Variants in GALNT15 observed in about 807,000 individuals in gnomAD.
GALNT15 encodes UDP-GalNAc transferase T15.
In GALNT15, 67 loss-of-function variants were observed where a neutral mutation model predicts 66.8. That is an observed-to-expected ratio of 1.00 (90% CI 0.82 to 1.23). The LOEUF (loss-of-function observed/expected upper bound fraction) is 1.23. GALNT15 is among the 50% of genes most tolerant of loss of function. GALNT15 has a pLI of 0.00. For missense variants in GALNT15, 827 were observed against 804.3 expected, an observed-to-expected ratio of 1.03 and a Z score of -0.34; for synonymous variants, 313 against 311.5, an observed-to-expected ratio of 1.00 and a Z score of -0.05.
intron 6 of GALNT15, among the ~76,000 whole-genome samples, chr3:16,218,810 CTTTT>C (rs10538222): frequency 6.5e-5 from 6 of 92,926 alleles, no homozygotes; most frequent in South Asian, 4.6e-4. Context: ...CTCTCTCTCT[CTTTT>C]TTTTTTTTTT....
chr3:16,229,608 G>C lies in GALNT15; in HGVS notation c.*2108G>C. On this transcript the variant is annotated 3_prime_UTR_variant, in exon 10 of 10. Coordinates refer to ENST00000339732, the MANE Select transcript of GALNT15 (RefSeq NM_054110.5). ...CTACAAATTCTCAGATGGCGACCGTGTAAATGGTATTAGCGGCTGAAGAAA... is the reference window on the plus strand; with the variant it reads ...CTACAAATTCTCAGATGGCGACCGTCTAAATGGTATTAGCGGCTGAAGAAA... The C allele has an allele frequency of 3.0e-6, 3 of 985,422 alleles. No individual in the cohort carries two copies. The highest frequency in any genetic ancestry group is 3.6e-6 in the Non-Finnish European group (3 of 829,918). 61.0% of individuals were successfully genotyped at this position (985,422 alleles called of 1,614,324 possible). A position where few individuals can be genotyped will look rare whatever the true frequency, so the allele number is the denominator to read the frequency against.
chr3:16,246,467 A>G, the GALNT15 span, among the ~76,000 whole-genome samples: 173 of 152,010 alleles, frequency 1.1e-3, no homozygotes, highest in African/African-American at 4.0e-3. Flanking sequence ...CTGGGACTAC[A>G]GGTGCATGCC....
chr3:16,232,480 A>G (rs1559698345), downstream of GALNT15, among the ~76,000 whole-genome samples: 1 of 67,962 alleles, frequency 1.5e-5, no homozygotes, highest in Non-Finnish European at 2.8e-5. Context: ...ATATATATAT[A>G]TATATATATA....
Position 16,195,842 on chromosome 3 carries a change from C to A in GALNT15, c.622C>A (p.Leu208Met), listed in dbSNP as rs144320995. 3.6e-5 allele frequency: 58 copies of A among 1,614,014 alleles called. No homozygotes were observed. The Middle Eastern group carries it at 6.6e-4, about 18-fold the overall frequency. ...CFHDEAWSTL[L>M]RTVHSILDTV... ...CCATGATGAGGCCTGGTCCACTCTC[C>A]TGCGGACTGTACACAGCATCCTCGA... The change falls in exon 2 of 10, where the codon CTG becomes ATG. Residue 208 changes from leucine to methionine, a missense_variant. Transcript: ENST00000339732. The surrounding 1 kb of genome is among the most constrained non-coding windows in gnomAD (Gnocchi z 4.6).
chr3:16,247,803 C>T, the GALNT15 span, among the ~76,000 whole-genome samples: 1 of 152,206 alleles, frequency 6.6e-6, no homozygotes, highest in South Asian at 2.1e-4. Context: ...GTCTGCTGTC[C>T]CCCTCCCGGA....
chr3:16,245,794 A>G, the GALNT15 span, among the ~76,000 whole-genome samples: 126 of 152,358 alleles, frequency 8.3e-4, no homozygotes, highest in East Asian at 0.019. Context: ...GGAGGCCCAT[A>G]TGAAAGAAGA....
In GALNT15 at chr3:16,191,718, A is replaced by T. The variant is rs1488057807; in HGVS notation, c.540-4042A>T. On this transcript the variant is annotated intron_variant, in intron 1 of 9. Transcript: ENST00000339732. The surrounding 1 kb of genome is among the most constrained non-coding windows in gnomAD (Gnocchi z 5.2). ...TGTGATCTTAAAGAGCTAGAGTTTAAATACAAATTTCTTTCATTGAAGGAG... is the reference window on the plus strand; with the variant it reads ...TGTGATCTTAAAGAGCTAGAGTTTATATACAAATTTCTTTCATTGAAGGAG... Among the ~76,000 whole-genome samples the T allele has an allele frequency of 6.6e-6, 1 of 152,204 alleles. No individual in the cohort carries two copies. The highest frequency in any genetic ancestry group is 1.5e-5 in the Non-Finnish European group (1 of 68,034).
At chr3:16,241,372 G>A in the GALNT15 span, among the ~76,000 whole-genome samples, 344 of 152,232 alleles carry the variant, frequency 2.3e-3, no homozygotes, top group African/African-American at 7.6e-3. The surrounding 1 kb of genome is among the most constrained non-coding windows in gnomAD (Gnocchi z 4.6). Flanking sequence ...TTTAGACACT[G>A]AAGAGGTCTT....
In GALNT15 at chr3:16,228,063, G is replaced by C. The variant is rs2064041925; in HGVS notation, c.*563G>C. On this transcript the variant is annotated 3_prime_UTR_variant, in exon 10 of 10. Coordinates refer to ENST00000339732, the MANE Select transcript of GALNT15 (RefSeq NM_054110.5). The stretch of plus-strand genomic sequence containing the variant: ...CAGAAAGGAGGTTTAGGATTGCAGA[G>C]AAGATGCAAGAGCACTTTGGCCCAA... 1 of 986,298 alleles carries C rather than the reference G, an allele frequency of 1.0e-6. No individual in the cohort carries two copies. The highest frequency in any genetic ancestry group is 1.7e-5 in the African/African-American group (1 of 57,246). 61.1% of individuals were successfully genotyped at this position (986,298 alleles called of 1,614,324 possible). A position where few individuals can be genotyped will look rare whatever the true frequency, so the allele number is the denominator to read the frequency against.
rs2063388356 is a variant in GALNT15, at chr3:16,174,929, C to CAG, written c.-218_-217dup. ...CAGAAGGCAATTAAAGAAATCCACTCAGAGAGGACTTGGGGTGAAACTTGG... is the reference window on the plus strand; with the variant it reads ...CAGAAGGCAATTAAAGAAATCCACTCAGAGAGAGGACTTGGGGTGAAACTTGG... On this transcript the variant is annotated 5_prime_UTR_variant, in exon 1 of 10. An upstream open reading frame in the 5' UTR gains an earlier in-frame stop. Coordinates refer to ENST00000339732, the MANE Select transcript of GALNT15 (RefSeq NM_054110.5). This position sits in a 1 kb window ranked among gnomAD's most constrained non-coding sequence, Gnocchi z 4.7. 2 of 537,638 alleles carry CAG rather than the reference C, an allele frequency of 3.7e-6. No individual in the cohort carries two copies. Among genetic ancestry groups the CAG allele is most frequent in the South Asian group, 6.2e-5 (2 of 32,238 alleles). 33.3% of individuals were successfully genotyped at this position (537,638 alleles called of 1,614,324 possible).
chr3:16,220,221 C>T, intron 8 of GALNT15: 1 of 561,548 alleles, frequency 1.8e-6, no homozygotes, highest in Non-Finnish European at 3.2e-6. Context: ...GTGCCATTGT[C>T]AGAAAATAAA....
At chr3:16,243,440 C>T in the GALNT15 span, among the ~76,000 whole-genome samples, 9 of 152,360 alleles carry the variant, frequency 5.9e-5, no homozygotes, top group East Asian at 5.8e-4. Flanking sequence ...ATGCAGTGGG[C>T]GCCCAGGGAG....
chr3:16,221,731 GA>G (rs2063944591), intron 8 of GALNT15, among the ~76,000 whole-genome samples: 2 of 152,294 alleles, frequency 1.3e-5, no homozygotes, highest in African/African-American at 4.8e-5. Context: ...CTTTGAGTAG[GA>G]AACAAATTAT....
At chr3:16,206,114 T>C (rs543451770) in intron 3 of GALNT15, among the ~76,000 whole-genome samples, 125 of 152,310 alleles carry the variant, frequency 8.2e-4, no homozygotes, top group Admixed American at 6.5e-3. Flanking sequence ...CAGTGGCTCA[T>C]ACCTGTAATC....
In GALNT15 at chr3:16,203,520, T is replaced by TTC. The variant is rs56306167; in HGVS notation, c.911+2720_911+2721dup. 0.04 allele frequency among the ~76,000 whole-genome samples: 4,548 copies of TTC among 113,658 alleles called. 110 individuals carry two copies. Among genetic ancestry groups the TTC allele is most frequent in the Middle Eastern group, 0.053 (11 of 208 alleles). The allele number at this position is 113,658 out of a possible 152,430, so 74.6% of individuals were successfully genotyped here. A position where few individuals can be genotyped will look rare whatever the true frequency, so the allele number is the denominator to read the frequency against. On this transcript the variant is annotated intron_variant, in intron 3 of 9. Transcript: ENST00000339732. This position sits in a 1 kb window ranked among gnomAD's most constrained non-coding sequence, Gnocchi z 6.2. ...TCTCTCTCTGTCTCTTGGTCACTCA[T>TTC]TCTCTCTCTCTCTCTCTCTCTCTCA...
chr3:16,176,001 A>T lies in GALNT15; in HGVS notation c.539+311A>T, dbSNP rs73051142. Among the ~76,000 whole-genome samples, 8,582 of 152,252 alleles carry T rather than the reference A, an allele frequency of 0.056. 321 individuals are homozygous for T. The highest frequency in any genetic ancestry group is 0.079 in the Non-Finnish European group (5,357 of 68,012). On this transcript the variant is annotated intron_variant, in intron 1 of 9. Coordinates refer to ENST00000339732, the MANE Select transcript of GALNT15 (RefSeq NM_054110.5). The surrounding 1 kb of genome is among the most constrained non-coding windows in gnomAD (Gnocchi z 5.6). Reference sequence around the variant, plus strand: ...AGAAAGTGAGGACTCTTGCTTGTTCATTCTCTTCTCCGTCCTGGGTTCTAG... The same window carrying T: ...AGAAAGTGAGGACTCTTGCTTGTTCTTTCTCTTCTCCGTCCTGGGTTCTAG...
the GALNT15 span, among the ~76,000 whole-genome samples, chr3:16,241,018 GCTT>G: frequency 1.3e-5 from 2 of 152,048 alleles, no homozygotes; most frequent in Admixed American, 6.6e-5. This position sits in a 1 kb window ranked among gnomAD's most constrained non-coding sequence, Gnocchi z 4.6. Context: ...CCGTTTGCCA[GCTT>G]CTTCTTACCT....
chr3:16,233,905 G>T (rs1575005627), downstream of GALNT15, among the ~76,000 whole-genome samples: 1 of 152,184 alleles, frequency 6.6e-6, no homozygotes, highest in African/African-American at 2.4e-5. Context: ...TACTGAGAGT[G>T]CTGCCAATAC....
rs1227768672 is a variant in GALNT15, at chr3:16,188,356, A to T, written c.540-7404A>T. Among the ~76,000 whole-genome samples, 4 of 152,244 alleles carry T rather than the reference A, an allele frequency of 2.6e-5. No individual in the cohort carries two copies. The highest frequency in any genetic ancestry group is 2.1e-4 in the South Asian group (1 of 4,832). On this transcript the variant is annotated intron_variant, in intron 1 of 9. Coordinates refer to ENST00000339732, the MANE Select transcript of GALNT15 (RefSeq NM_054110.5). The surrounding 1 kb of genome is among the most constrained non-coding windows in gnomAD (Gnocchi z 4.6). Reference sequence around the variant, plus strand: ...TTTGTTTGGCCATGCAGTTTTATTTAAAAATGTTGGATTAGTGGTCAACAT... The same window carrying T: ...TTTGTTTGGCCATGCAGTTTTATTTTAAAATGTTGGATTAGTGGTCAACAT...
Sources: allele counts gnomAD v4.1 joint callset (sites outside exome capture counted in the v4.1 genomes callset), GRCh38; gene constraint gnomAD v4.1.1; non-coding constraint Gnocchi (gnomAD v3.1); transcripts MANE v1.5; gene names NCBI Gene and HGNC (gene_info 2026-07-23, HGNC 2026-07-21).